SLC5A4: variants seen among roughly 807,000 people sequenced by gnomAD.
The protein encoded by SLC5A4 is probable glucose sensor protein SLC5A4.
Under a neutral mutation model 70.3 loss-of-function variants are expected in SLC5A4, and 55 were observed. The ratio of observed to expected loss-of-function variants is 0.78; its 90% CI spans 0.63 to 0.98. The LOEUF (loss-of-function observed/expected upper bound fraction) is 0.98. Ranked by LOEUF, SLC5A4 falls within the 50% of genes least tolerant of loss-of-function variation. The pLI, the probability that SLC5A4 is intolerant of heterozygous loss-of-function variation, is 0.00. For synonymous variants in SLC5A4, 268 were observed against 305.7 expected, an observed-to-expected ratio of 0.88 and a Z score of 1.29; for missense variants, 735 against 839.2, an observed-to-expected ratio of 0.88 and a Z score of 1.53.
At chr22:32,335,045 CAGGCCCA>C in the SLC5A4 span, among the ~76,000 whole-genome samples, 1 of 152,150 alleles carries the variant, frequency 6.6e-6, no homozygotes, top group Non-Finnish European at 1.5e-5. Flanking sequence ...AGGCTGAAGC[CAGGCCCA>C]TCCTGCCTCC....
At chr22:32,327,675 T>C in the SLC5A4 span, among the ~76,000 whole-genome samples, 1 of 152,202 alleles carries the variant, frequency 6.6e-6, no homozygotes, top group Non-Finnish European at 1.5e-5. Flanking sequence ...TGAGCTCTGG[T>C]GGCTGGACTC....
At chr22:32,267,723 C>T in the SLC5A4 span, among the ~76,000 whole-genome samples, 1 of 152,236 alleles carries the variant, frequency 6.6e-6, no homozygotes, top group South Asian at 2.1e-4. Context: ...GCATTTTACA[C>T]TGAAAGCACA....
At chr22:32,313,588 C>A in the SLC5A4 span, among the ~76,000 whole-genome samples, 1 of 152,204 alleles carries the variant, frequency 6.6e-6, no homozygotes, top group Non-Finnish European at 1.5e-5. Context: ...CTGCTGGGCA[C>A]TTATAGCTTT....
the SLC5A4 span, among the ~76,000 whole-genome samples, chr22:32,337,707 CTGATT>C: frequency 0.012 from 1,817 of 152,202 alleles, 42 homozygotes; most frequent in African/African-American, 0.041. Flanking sequence ...GGAGAAAACT[CTGATT>C]TGTAGCACGT....
the SLC5A4 span, chr22:32,272,433 C>T: frequency 2.3e-6 from 2 of 858,848 alleles, no homozygotes; most frequent in South Asian, 1.4e-5. Flanking sequence ...GGCAGCTCTA[C>T]ATCCACCAGA....
the SLC5A4 span, among the ~76,000 whole-genome samples, chr22:32,310,818 G>A: frequency 2.6e-5 from 4 of 152,222 alleles, no homozygotes; most frequent in Admixed American, 2.0e-4. Flanking sequence ...GAGAATGGAG[G>A]ATGCTTTATG....
chr22:32,299,263 T>C, the SLC5A4 span, among the ~76,000 whole-genome samples: 296 of 150,608 alleles, frequency 2.0e-3, 5 homozygotes, highest in African/African-American at 6.8e-3. Flanking sequence ...CCAACTTGGT[T>C]CCATTCTCCC....
At chr22:32,298,500 T>C in the SLC5A4 span, among the ~76,000 whole-genome samples, 3 of 97,010 alleles carry the variant, frequency 3.1e-5, no homozygotes, top group African/African-American at 1.1e-4. Flanking sequence ...TGTTTTCCAT[T>C]GGCTTGGTAG....
At chr22:32,255,378 A>G (rs1223862282), upstream of SLC5A4, 3 of 1,598,212 alleles carry the variant, frequency 1.9e-6, no homozygotes, top group Non-Finnish European at 2.6e-6. Flanking sequence ...ATCTTTATAT[A>G]AGTTCTGGGT....
chr22:32,308,720 G>A, the SLC5A4 span, among the ~76,000 whole-genome samples: 2 of 152,096 alleles, frequency 1.3e-5, no homozygotes, highest in Non-Finnish European at 2.9e-5. Context: ...GCTTTCTAGA[G>A]CATTGGAGAC....
At chr22:32,262,958 T>G in the SLC5A4 span, among the ~76,000 whole-genome samples, 1 of 151,972 alleles carries the variant, frequency 6.6e-6, no homozygotes, top group Non-Finnish European at 1.5e-5. Flanking sequence ...TTAGTAGAGA[T>G]GGGGTTTCAC....
At chr22:32,286,501 A>G in the SLC5A4 span, among the ~76,000 whole-genome samples, 3 of 152,202 alleles carry the variant, frequency 2.0e-5, no homozygotes, top group Non-Finnish European at 1.5e-5. Context: ...GCCTGATTGC[A>G]TCATCTTTGT....
At chr22:32,268,212 T>C in the SLC5A4 span, 2 of 152,218 alleles carry the variant, frequency 1.3e-5, no homozygotes, top group African/African-American at 4.8e-5. Flanking sequence ...TCTCTATGTA[T>C]ATAAGGAGGA....
chr22:32,332,221 C>T, the SLC5A4 span, among the ~76,000 whole-genome samples: 1 of 152,162 alleles, frequency 6.6e-6, no homozygotes, highest in East Asian at 1.9e-4. Context: ...CACCCTTGTC[C>T]CTGGACTAAG....
intron 1 of SLC5A4, among the ~76,000 whole-genome samples, chr22:32,254,898 CAACAAAAGAA>C (rs750879562): frequency 1.3e-5 from 2 of 151,744 alleles, no homozygotes; most frequent in Non-Finnish European, 2.9e-5. Flanking sequence ...AGTGAGCAAA[CAACAAAAGAA>C]AGCGAAAGAA....
intron 3 of SLC5A4, among the ~76,000 whole-genome samples, chr22:32,251,167 A>C (rs1006975102): frequency 6.6e-5 from 10 of 150,550 alleles, no homozygotes; most frequent in East Asian, 3.9e-4. Context: ...AAAAAAAAAA[A>C]AAAAAAAAAC....
the SLC5A4 span, among the ~76,000 whole-genome samples, chr22:32,267,165 A>G: frequency 6.6e-6 from 1 of 152,244 alleles, no homozygotes; most frequent in African/African-American, 2.4e-5. Flanking sequence ...ATATTTGTCC[A>G]TATTAACTGT....
the SLC5A4 span, among the ~76,000 whole-genome samples, chr22:32,306,952 G>C: frequency 1.1e-4 from 16 of 152,224 alleles, no homozygotes; most frequent in East Asian, 2.9e-3. Context: ...TTGTGGCCAG[G>C]GTGGCCATGT....
At chr22:32,235,369 T>C (rs980710836) in intron 7 of SLC5A4, among the ~76,000 whole-genome samples, 1 of 152,146 alleles carries the variant, frequency 6.6e-6, no homozygotes, top group African/African-American at 2.4e-5. Context: ...AAGGTAAAAA[T>C]GAAGCTGTTA....
Sources: allele counts gnomAD v4.1 joint callset (sites outside exome capture counted in the v4.1 genomes callset), GRCh38; gene constraint gnomAD v4.1.1; transcripts MANE v1.5; gene names NCBI Gene and HGNC (gene_info 2026-07-23, HGNC 2026-07-21).